The following BICRAL variants were observed in gnomAD, a reference collection of about 807,000 sequenced individuals.
BICRAL encodes BRD4-interacting chromatin-remodeling complex-associated protein-like.
A neutral mutation model predicts 91.8 loss-of-function variants in BICRAL; 8 were observed. That is an observed-to-expected ratio of 0.09 (90% confidence interval 0.05 to 0.16). BICRAL has a LOEUF of 0.16. Ranked by LOEUF, BICRAL falls within the 10% of genes least tolerant of loss-of-function variation. The pLI is 1.00. For synonymous variants in BICRAL, 445 were observed against 491.1 expected, an observed-to-expected ratio of 0.91 and a Z score of 1.24; for missense variants, 1,038 against 1,310.9, an observed-to-expected ratio of 0.79 and a Z score of 3.21.
chr6:42,831,550 C>T (rs1228585915), intron 6 of BICRAL, among the ~76,000 whole-genome samples: 3 of 152,108 alleles, frequency 2.0e-5, no homozygotes, highest in Non-Finnish European at 2.9e-5. Flanking sequence ...GCTGATCCTT[C>T]GACGGCTCCA....
intron 6 of BICRAL, among the ~76,000 whole-genome samples, chr6:42,837,352 T>C (rs544670541): frequency 6.6e-6 from 1 of 152,284 alleles, no homozygotes; most frequent in East Asian, 1.9e-4. Flanking sequence ...AGAAATGTAA[T>C]TCAGCAGGTT....
At chr6:42,811,561 C>T (rs2113918165) in intron 2 of BICRAL, among the ~76,000 whole-genome samples, 1 of 150,864 alleles carries the variant, frequency 6.6e-6, no homozygotes, top group Middle Eastern at 3.4e-3. Flanking sequence ...GCGGAGGTTG[C>T]AGTGAGCTGA....
intron 1 of BICRAL, among the ~76,000 whole-genome samples, chr6:42,783,074 AGGAGAGCAGGTCCGGGGTGCGGCGG>A (rs1455321739): frequency 2.6e-5 from 4 of 151,350 alleles, no homozygotes; most frequent in African/African-American, 9.7e-5. Context: ...GGCCGCGGCG[AGGAGAGCAGGTCCGGGGTGCGGCGG>A]GGAGAGCTCG....
At chr6:42,863,957 A>C (rs1443956152) in intron 12 of BICRAL, among the ~76,000 whole-genome samples, 2 of 152,138 alleles carry the variant, frequency 1.3e-5, no homozygotes, top group Non-Finnish European at 2.9e-5. Flanking sequence ...TGAGGTCAGG[A>C]GTTCGAGACC....
upstream of BICRAL, among the ~76,000 whole-genome samples, chr6:42,777,832 G>A (rs1762826747): frequency 6.6e-6 from 1 of 151,894 alleles, no homozygotes; most frequent in African/African-American, 2.4e-5. Context: ...TACACAGATG[G>A]GAATCATAGG....
At chr6:42,756,391 AG>A (rs1762459386) in intron 1 of BICRAL, among the ~76,000 whole-genome samples, 1 of 152,084 alleles carries the variant, frequency 6.6e-6, no homozygotes. Context: ...AATATAAGTG[AG>A]GCCAGAATTC....
intron 1 of BICRAL, among the ~76,000 whole-genome samples, chr6:42,764,254 A>C (rs1337364334): frequency 4.0e-5 from 6 of 150,680 alleles, no homozygotes; most frequent in Non-Finnish European, 8.9e-5. Context: ...AAAAAAAAAA[A>C]ACAAAAATGT....
chr6:42,803,927 A>G (rs1041391010), intron 1 of BICRAL, among the ~76,000 whole-genome samples: 3 of 152,372 alleles, frequency 2.0e-5, no homozygotes, highest in Admixed American at 6.5e-5. Flanking sequence ...GTAGGCAACC[A>G]TAACACAATG....
rs2113956641 is a variant in BICRAL, at chr6:42,828,691, T to C, written c.358T>C (p.Leu120=). ...LQEANITEQT[L]AEEAYLDASI... is the part of the protein sequence containing the mutation. ...AGAGGCCAATATCACTGAACAGACA[T>C]TGGCAGAAGAGGCATATTTGGATGC... is the stretch of plus-strand genomic sequence containing the variant. The change falls in exon 6 of 13, where the codon TTG becomes CTG. Residue 120 remains leucine, a synonymous_variant. Coordinates refer to ENST00000314073, the MANE Select transcript of BICRAL (RefSeq NM_001393499.1). 1.2e-6 allele frequency: 2 copies of C among 1,614,118 alleles called. No individual in the cohort carries two copies. Among genetic ancestry groups the C allele is most frequent in the East Asian group, 2.2e-5 (1 of 44,880 alleles).
intron 5 of BICRAL, among the ~76,000 whole-genome samples, chr6:42,824,943 C>G (rs1200354122): frequency 1.3e-5 from 2 of 152,112 alleles, no homozygotes; most frequent in African/African-American, 2.4e-5. Flanking sequence ...CATAGTGAGA[C>G]CCCATCTCTA....
intron 1 of BICRAL, among the ~76,000 whole-genome samples, chr6:42,804,526 T>G (rs570595140): frequency 1.3e-5 from 2 of 152,270 alleles, no homozygotes; most frequent in South Asian, 4.1e-4. Flanking sequence ...CTCAAGACCT[T>G]TAGGATAAGT....
At chr6:42,775,061 T>C (rs1762789929) in intron 1 of BICRAL, among the ~76,000 whole-genome samples, 1 of 152,114 alleles carries the variant, frequency 6.6e-6, no homozygotes, top group Non-Finnish European at 1.5e-5. Context: ...GCCTCTCAAG[T>C]AGTTGGGATT....
chr6:42,815,984 CAAAAAAAAAAA>C (rs746928245), intron 2 of BICRAL, among the ~76,000 whole-genome samples: 8 of 39,270 alleles, frequency 2.0e-4, no homozygotes, highest in South Asian at 1.1e-3. Context: ...AACTCTGTCT[CAAAAAAAAAAA>C]AAAAAAAAAA....
At chr6:42,839,167 T>C (rs1241302150) in intron 6 of BICRAL, among the ~76,000 whole-genome samples, 1 of 151,572 alleles carries the variant, frequency 6.6e-6, no homozygotes, top group East Asian at 1.9e-4. Context: ...GCCATTACAC[T>C]GCAGCACTCC....
Position 42,867,986 on chromosome 6 carries a change from C to T in BICRAL, c.*2540C>T, listed in dbSNP as rs773685606. On this transcript the variant is annotated 3_prime_UTR_variant, in exon 13 of 13. Transcript: ENST00000314073. ...AGTGAAGGGTAGGAGAGCTCAGCCTCGGATGGCCAACATTCAGTTGTTCAG... is the reference window on the plus strand; with the variant it reads ...AGTGAAGGGTAGGAGAGCTCAGCCTTGGATGGCCAACATTCAGTTGTTCAG... 2.6e-5 allele frequency: 4 copies of T among 152,386 alleles called. No individual in the cohort carries two copies. Among genetic ancestry groups the T allele is most frequent in the Non-Finnish European group, 4.4e-5 (3 of 68,020 alleles). 9.4% of individuals were successfully genotyped at this position (152,386 alleles called of 1,614,324 possible). A position where few individuals can be genotyped will look rare whatever the true frequency, so the allele number is the denominator to read the frequency against.
intron 1 of BICRAL, among the ~76,000 whole-genome samples, chr6:42,747,795 G>GTTTT (rs1343500976): frequency 4.3e-5 from 6 of 141,088 alleles, no homozygotes; most frequent in Non-Finnish European, 3.1e-5. Context: ...TTGCTTTTTT[G>GTTTT]TTTTATTTTG....
At chr6:42,838,741 A>G (rs1469331141) in intron 6 of BICRAL, among the ~76,000 whole-genome samples, 2 of 152,150 alleles carry the variant, frequency 1.3e-5, no homozygotes, top group African/African-American at 4.8e-5. Context: ...CGGGCAGATC[A>G]CTTGAGGTCA....
chr6:42,770,863 G>C (rs1035755225), intron 1 of BICRAL, among the ~76,000 whole-genome samples: 4 of 151,872 alleles, frequency 2.6e-5, no homozygotes, highest in African/African-American at 7.3e-5. Flanking sequence ...GCTAATTTTT[G>C]TATTTTTAGT....
At chr6:42,814,883 C>T (rs1763948394) in intron 2 of BICRAL, among the ~76,000 whole-genome samples, 1 of 151,720 alleles carries the variant, frequency 6.6e-6, no homozygotes, top group Non-Finnish European at 1.5e-5. Flanking sequence ...TCAGTTTGCG[C>T]AGTCTTTGAA....
Sources: gnomAD v4.1 joint callset for allele counts (sites outside exome capture counted in the v4.1 genomes callset) on GRCh38, gnomAD v4.1.1 for gene constraint, MANE v1.5 for transcripts, NCBI Gene and HGNC (gene_info 2026-07-23, HGNC 2026-07-21) for gene names.